Variants in LYZL4 observed in about 807,000 individuals in gnomAD.
The protein encoded by LYZL4 is lysozyme like 4.
Under a neutral mutation model 17.6 loss-of-function variants are expected in LYZL4, and 13 were observed. The observed-to-expected ratio is 0.74, with a 90% CI of 0.48 to 1.18. LYZL4 has a LOEUF of 1.18. Ranked by LOEUF, LYZL4 falls within the 50% of genes most tolerant of loss-of-function variation. LYZL4 has a pLI of 0.00. For missense variants in LYZL4, 174 were observed against 188.2 expected, an observed-to-expected ratio of 0.92 and a Z score of 0.44; for synonymous variants, 64 against 67.7, an observed-to-expected ratio of 0.95 and a Z score of 0.27.
intron 4 of LYZL4, among the ~76,000 whole-genome samples, chr3:42,401,647 A>T (rs191861306): frequency 3.9e-5 from 6 of 152,356 alleles, no homozygotes; most frequent in African/African-American, 1.4e-4. Context: ...AGAGAGATTA[A>T]AAAAAGACAA....
intron 4 of LYZL4, among the ~76,000 whole-genome samples, chr3:42,403,367 C>T (rs559395206): frequency 6.6e-6 from 1 of 151,956 alleles, no homozygotes; most frequent in Non-Finnish European, 1.5e-5. Context: ...TCAAGCGATT[C>T]TCCTGTCTCA....
chr3:42,370,339 G>A, the LYZL4 span, among the ~76,000 whole-genome samples: 4 of 151,294 alleles, frequency 2.6e-5, no homozygotes, highest in Non-Finnish European at 5.9e-5. Context: ...CTTTCTCCAG[G>A]ACATGCCCTG....
the LYZL4 span, among the ~76,000 whole-genome samples, chr3:42,385,495 A>C: frequency 6.6e-6 from 1 of 152,228 alleles, no homozygotes; most frequent in Non-Finnish European, 1.5e-5. Flanking sequence ...TGTTAAATAC[A>C]TTCCGTGATA....
intron 1 of LYZL4, among the ~76,000 whole-genome samples, chr3:42,408,826 T>C (rs910959727): frequency 1.3e-5 from 2 of 152,164 alleles, no homozygotes; most frequent in African/African-American, 4.8e-5. Context: ...GAACATCCTG[T>C]GCATTGGATT....
rs118076736 is a variant in LYZL4 at position 42,407,410 on chromosome 3, A to T, written c.-92-67T>A. ...AAATGGGAGTCTCACCTGGTAAGCC[A>T]TGACACTTCTTCCCATCCTAATTCT... On this transcript the variant is annotated intron_variant, in intron 1 of 4. Coordinates refer to ENST00000287748, the MANE Select transcript of LYZL4 (RefSeq NM_144634.4). 4,132 of 868,378 alleles carry T rather than the reference A, an allele frequency of 4.8e-3. 99 individuals are homozygous for T. The highest frequency in any genetic ancestry group is 0.045 in the East Asian group (1,680 of 37,550). The allele number at this position is 868,378 out of a possible 1,614,324, so 53.8% of individuals were successfully genotyped here.
chr3:42,382,712 T>C, the LYZL4 span, among the ~76,000 whole-genome samples: 1 of 151,996 alleles, frequency 6.6e-6, no homozygotes, highest in Non-Finnish European at 1.5e-5. Flanking sequence ...CCAAGGTCCC[T>C]ACTCTGAACA....
chr3:42,393,054 A>C (rs1164839762), downstream of LYZL4, among the ~76,000 whole-genome samples: 2 of 152,134 alleles, frequency 1.3e-5, no homozygotes, highest in East Asian at 3.8e-4. Flanking sequence ...TCTTCAGTGA[A>C]TGAGGGGCAG....
the LYZL4 span, among the ~76,000 whole-genome samples, chr3:42,373,451 C>CT: frequency 6.6e-6 from 1 of 152,102 alleles, no homozygotes; most frequent in African/African-American, 2.4e-5. Context: ...ATTTCTTACT[C>CT]TTTCCAAAAC....
chr3:42,380,208 A>G, the LYZL4 span, among the ~76,000 whole-genome samples: 4 of 152,180 alleles, frequency 2.6e-5, no homozygotes, highest in Non-Finnish European at 5.9e-5. Context: ...TTCATCACCT[A>G]TGGCTAGGGG....
chr3:42,367,640 T>C, the LYZL4 span, among the ~76,000 whole-genome samples: 7 of 152,036 alleles, frequency 4.6e-5, no homozygotes, highest in African/African-American at 1.7e-4. Context: ...AGCTAAGCTG[T>C]CCAGTGTTTC....
chr3:42,365,284 C>T, the LYZL4 span, among the ~76,000 whole-genome samples: 11 of 152,300 alleles, frequency 7.2e-5, no homozygotes, highest in East Asian at 2.1e-3. Context: ...TTTTGGCTTA[C>T]AAATGTGTAT....
chr3:42,361,130 C>A, the LYZL4 span, among the ~76,000 whole-genome samples: 1 of 152,234 alleles, frequency 6.6e-6, no homozygotes, highest in South Asian at 2.1e-4. Context: ...TCCAGTGTTT[C>A]TTTTTGTAAA....
At chr3:42,398,789 T>C (rs1698602057) in intron 4 of LYZL4, among the ~76,000 whole-genome samples, 1 of 152,128 alleles carries the variant, frequency 6.6e-6, no homozygotes, top group African/African-American at 2.4e-5. Flanking sequence ...ACAAAAGACC[T>C]TTCTAAGAAA....
intron 4 of LYZL4, among the ~76,000 whole-genome samples, chr3:42,398,087 C>A (rs1452902174): frequency 3.3e-5 from 5 of 152,324 alleles, no homozygotes; most frequent in African/African-American, 1.2e-4. Flanking sequence ...CTGTGGACCT[C>A]TGGCCCCTCA....
chr3:42,384,252 A>C, the LYZL4 span, among the ~76,000 whole-genome samples: 6 of 152,224 alleles, frequency 3.9e-5, no homozygotes, highest in African/African-American at 1.2e-4. Flanking sequence ...AAGACATTTC[A>C]GACATGCAAC....
chr3:42,368,036 G>C, the LYZL4 span, among the ~76,000 whole-genome samples: 1 of 152,206 alleles, frequency 6.6e-6, no homozygotes, highest in Non-Finnish European at 1.5e-5. Flanking sequence ...GGGAAACGGA[G>C]TCATGGGAAA....
the LYZL4 span, among the ~76,000 whole-genome samples, chr3:42,378,192 C>G: frequency 0.13 from 19,337 of 152,180 alleles, 1,350 homozygotes; most frequent in Admixed American, 0.14. Flanking sequence ...ACAAAATCAG[C>G]ATTCCATTCC....
the LYZL4 span, among the ~76,000 whole-genome samples, chr3:42,372,020 C>A: frequency 6.6e-6 from 1 of 152,206 alleles, no homozygotes; most frequent in East Asian, 1.9e-4. Flanking sequence ...GTGCTGCCTG[C>A]CTCTGTGGGC....
At chr3:42,403,965 A>T (rs757410595) in intron 4 of LYZL4, 81 bp downstream of exon 4, 5 of 1,060,502 alleles carry the variant, frequency 4.7e-6, no homozygotes, top group Non-Finnish European at 7.0e-6. Context: ...CGTGCGCAAC[A>T]GCCAAGATTT....
Sources: allele counts gnomAD v4.1 joint callset (sites outside exome capture counted in the v4.1 genomes callset), GRCh38; gene constraint gnomAD v4.1.1; transcripts MANE v1.5; gene names NCBI Gene and HGNC (gene_info 2026-07-23, HGNC 2026-07-21).